The following CTNNA2 variants were observed in gnomAD, a reference collection of about 807,000 sequenced individuals.
The protein encoded by CTNNA2 is catenin alpha-2.
In CTNNA2, 42 loss-of-function variants were observed where a neutral mutation model predicts 101.0. The observed-to-expected ratio is 0.42, with a 90% confidence interval of 0.32 to 0.54. CTNNA2 has a LOEUF of 0.54. Ranked by LOEUF, CTNNA2 falls within the 20% of genes least tolerant of loss-of-function variation. The pLI is 0.14. For missense variants in CTNNA2, 871 were observed against 1,223.1 expected (o/e 0.71, Z 4.29); for synonymous variants, 450 against 456.4 (o/e 0.99, Z 0.18).
At chr2:80,381,657 T>G (rs530332668) in intron 7 of CTNNA2, among the ~76,000 whole-genome samples, 1 of 152,294 alleles carries the variant, frequency 6.6e-6, no homozygotes, top group Non-Finnish European at 1.5e-5. Context: ...TGGGATCCCC[T>G]AGGATGCAAA....
intron 7 of CTNNA2, among the ~76,000 whole-genome samples, chr2:80,162,158 T>A (rs1337708224): frequency 6.6e-6 from 1 of 152,194 alleles, no homozygotes; most frequent in African/African-American, 2.4e-5. Flanking sequence ...TTAAAATATC[T>A]GCTTTATCAT....
chr2:80,045,507 A>T (rs1696455843), intron 7 of CTNNA2, among the ~76,000 whole-genome samples: 1 of 152,198 alleles, frequency 6.6e-6, no homozygotes, highest in South Asian at 2.1e-4. Flanking sequence ...AGGATTTTGC[A>T]AGAATTTTGT....
rs558613365 is a variant in CTNNA2 at position 80,096,088 on chromosome 2, G to A, written c.1056+186291G>A. Among the ~76,000 whole-genome samples, 43 of 151,710 alleles carry A rather than the reference G, an allele frequency of 2.8e-4. No homozygotes were observed. In the East Asian group the frequency reaches 6.8e-3, roughly 24 times the overall value. On this transcript the variant is annotated intron_variant, in intron 7 of 18. Coordinates refer to ENST00000402739, the MANE Select transcript of CTNNA2 (RefSeq NM_001282597.3). ...TCTTGCTTCTCTAGTTCTTTTAATT[G>A]TGATGTTAGGGTGTCAATTTTAGAT...
intron 8 of CTNNA2, among the ~76,000 whole-genome samples, chr2:80,412,408 T>A (rs1463953274): frequency 1.3e-5 from 2 of 152,216 alleles, no homozygotes; most frequent in African/African-American, 2.4e-5. Context: ...ACAGCTGTGA[T>A]TTTCTTACAC....
intron 5 of CTNNA2, chr2:79,505,330 G>A (rs763973465): frequency 2.0e-5 from 3 of 151,790 alleles, no homozygotes; most frequent in Non-Finnish European, 2.9e-5. Context: ...TAAATTCTAC[G>A]TGTTTGAACT....
intron 17 of CTNNA2, 44 bp downstream of exon 17, chr2:80,608,362 C>T: frequency 2.5e-6 from 4 of 1,576,778 alleles, no homozygotes; most frequent in Non-Finnish European, 3.5e-6. Flanking sequence ...CCCACCGTTG[C>T]ACTTCCAAGG....
chr2:80,611,025 G>A (rs1413684192), intron 17 of CTNNA2, among the ~76,000 whole-genome samples: 1 of 151,052 alleles, frequency 6.6e-6, no homozygotes, highest in Non-Finnish European at 1.5e-5. Context: ...TTTGTCATTG[G>A]CTTAAACCTG....
In CTNNA2 at chr2:79,847,362, G is replaced by A. The variant is rs118050778; in HGVS notation, c.299-10651G>A. ...GTTCGAGACCAGCTTGATCTATGTGGTGAAACCCTGTCTCTACTAAAAGTA... is the reference window on the plus strand; with the variant it reads ...GTTCGAGACCAGCTTGATCTATGTGATGAAACCCTGTCTCTACTAAAAGTA... On this transcript the variant is annotated intron_variant, in intron 3 of 18. Transcript: ENST00000402739. 4.5e-3 allele frequency among the ~76,000 whole-genome samples: 681 copies of A among 151,892 alleles called. 16 individuals carry two copies. Among genetic ancestry groups the A allele is most frequent in the East Asian group, 0.042 (213 of 5,130 alleles).
At chr2:80,487,083 A>G (rs1255808301) in intron 9 of CTNNA2, among the ~76,000 whole-genome samples, 1 of 152,020 alleles carries the variant, frequency 6.6e-6, no homozygotes, top group African/African-American at 2.4e-5. Context: ...CAGGAGTTCC[A>G]GACCAGCGTG....
At chr2:79,313,211 T>C (rs1275431171) in intron 3 of CTNNA2, among the ~76,000 whole-genome samples, 1 of 152,184 alleles carries the variant, frequency 6.6e-6, no homozygotes, top group East Asian at 1.9e-4. Context: ...TAATTGCTTC[T>C]GAGCAGAGGG....
intron 2 of CTNNA2, among the ~76,000 whole-genome samples, chr2:79,692,757 G>A (rs1028584637): frequency 6.6e-6 from 1 of 151,464 alleles, no homozygotes; most frequent in Non-Finnish European, 1.5e-5. Flanking sequence ...ATCATTCTCA[G>A]CAAACTATCA....
chr2:80,288,201 A>G (rs1674937313), intron 7 of CTNNA2: 1 of 151,706 alleles, frequency 6.6e-6, no homozygotes, highest in Admixed American at 6.6e-5. Flanking sequence ...GGGATTGAAA[A>G]CCTCCAAGCG....
chr2:79,344,967 T>A (rs542382213), intron 3 of CTNNA2, among the ~76,000 whole-genome samples: 1 of 150,230 alleles, frequency 6.7e-6, no homozygotes, highest in Non-Finnish European at 1.5e-5. Flanking sequence ...AGGTATACAC[T>A]AAGTGTTAAA....
intron 6 of CTNNA2, among the ~76,000 whole-genome samples, chr2:79,897,655 A>T (rs1376465252): frequency 6.6e-6 from 1 of 152,228 alleles, no homozygotes; most frequent in Non-Finnish European, 1.5e-5. Context: ...AACTAGAAGG[A>T]ATTGGAGCCA....
intron 4 of CTNNA2, among the ~76,000 whole-genome samples, chr2:79,437,438 G>A (rs1015774354): frequency 1.3e-5 from 2 of 152,048 alleles, no homozygotes; most frequent in African/African-American, 2.4e-5. Flanking sequence ...GCTGGCCCAC[G>A]CACCACATTT....
At chr2:80,536,155 A>T (rs527636177) in intron 9 of CTNNA2, among the ~76,000 whole-genome samples, 1 of 152,200 alleles carries the variant, frequency 6.6e-6, no homozygotes, top group South Asian at 2.1e-4. Flanking sequence ...GAAGATAGGC[A>T]TATATGTTAA....
At chr2:80,284,981 G>C (rs995140097) in intron 7 of CTNNA2, among the ~76,000 whole-genome samples, 4 of 152,136 alleles carry the variant, frequency 2.6e-5, no homozygotes, top group African/African-American at 9.7e-5. Flanking sequence ...CCTAGTGTTT[G>C]TTCATTGCAA....
chr2:79,664,770 G>T (rs1182291787), intron 2 of CTNNA2, among the ~76,000 whole-genome samples: 3 of 135,698 alleles, frequency 2.2e-5, no homozygotes, highest in Non-Finnish European at 4.5e-5. Context: ...GGAGTGCAGT[G>T]GCGCGATCTC....
intron 4 of CTNNA2, among the ~76,000 whole-genome samples, chr2:79,416,558 C>T (rs539958760): frequency 6.6e-4 from 100 of 152,094 alleles, no homozygotes; most frequent in Non-Finnish European, 1.2e-3. Flanking sequence ...GTCAGTCCCA[C>T]CCCATGTAAT....
Sources: gnomAD v4.1 joint callset for allele counts (sites outside exome capture counted in the v4.1 genomes callset) on GRCh38, gnomAD v4.1.1 for gene constraint, MANE v1.5 for transcripts, NCBI Gene and HGNC (gene_info 2026-07-23, HGNC 2026-07-21) for gene names.